Variants in CNTNAP2 observed in about 807,000 individuals in gnomAD.
CNTNAP2 encodes contactin-associated protein-like 2.
Under a neutral mutation model 155.2 loss-of-function variants are expected in CNTNAP2, and 98 were observed. The ratio of observed to expected loss-of-function variants is 0.63; its 90% CI spans 0.54 to 0.75. The LOEUF (loss-of-function observed/expected upper bound fraction) is 0.75, where lower values mean the gene tolerates loss of function less well. Ranked by LOEUF, CNTNAP2 falls within the 30% of genes least tolerant of loss-of-function variation. CNTNAP2 has a pLI of 0.00. For missense variants in CNTNAP2, 1,727 were observed against 1,688.1 expected, an observed-to-expected ratio of 1.02 and a Z score of -0.40; for synonymous variants, 651 against 631.2, an observed-to-expected ratio of 1.03 and a Z score of -0.47.
Position 148,373,104 on chromosome 7 carries a change from T to C in CNTNAP2, c.3476-10545T>C, listed in dbSNP as rs190544784. Among the ~76,000 whole-genome samples, 940 of 152,280 alleles carry C rather than the reference T, an allele frequency of 6.2e-3. 2 individuals are homozygous for C. Among genetic ancestry groups the C allele is most frequent in the Non-Finnish European group, 8.6e-3 (587 of 68,032 alleles). ...GTGATAACAATGCCTTCTTCTGGAA[T>C]AGCTCCTGAAGGACCTGCCTGAGGC... On this transcript the variant is annotated intron_variant, in intron 21 of 23. Transcript: ENST00000361727.
intron 8 of CNTNAP2, among the ~76,000 whole-genome samples, chr7:147,221,168 C>G (rs748222292): frequency 6.6e-6 from 1 of 152,022 alleles, no homozygotes; most frequent in African/African-American, 2.4e-5. Flanking sequence ...TTCCTCCCAT[C>G]CCTTGTATCA....
At chr7:146,313,873 C>T (rs1800866275) in intron 1 of CNTNAP2, among the ~76,000 whole-genome samples, 1 of 152,028 alleles carries the variant, frequency 6.6e-6, no homozygotes, top group Middle Eastern at 3.2e-3. Context: ...GTAGCACATA[C>T]CTGTAGTCCC....
chr7:147,305,508 T>A (rs1795011832), intron 9 of CNTNAP2, among the ~76,000 whole-genome samples: 1 of 152,170 alleles, frequency 6.6e-6, no homozygotes, highest in Admixed American at 6.5e-5. Flanking sequence ...CCATTCAGAA[T>A]CCACTTGTCA....
At chr7:147,544,762 C>T (rs1799701655) in intron 11 of CNTNAP2, among the ~76,000 whole-genome samples, 2 of 151,956 alleles carry the variant, frequency 1.3e-5, no homozygotes, top group Admixed American at 1.3e-4. Flanking sequence ...GGCAGTTCCC[C>T]CATACTGTTC....
chr7:147,543,620 T>G (rs1300484400), intron 11 of CNTNAP2, among the ~76,000 whole-genome samples: 1 of 152,180 alleles, frequency 6.6e-6, no homozygotes, highest in Non-Finnish European at 1.5e-5. Context: ...TTCAGAGTTT[T>G]TATGTTTTAT....
At chr7:148,263,997 G>A (rs1456864157) in intron 20 of CNTNAP2, among the ~76,000 whole-genome samples, 1 of 152,278 alleles carries the variant, frequency 6.6e-6, no homozygotes, top group East Asian at 1.9e-4. Flanking sequence ...CCTGAGGACG[G>A]ATTTCCCTTC....
intron 1 of CNTNAP2, among the ~76,000 whole-genome samples, chr7:146,548,937 G>A (rs1351166951): frequency 6.6e-6 from 1 of 151,350 alleles, no homozygotes; most frequent in Admixed American, 6.6e-5. Flanking sequence ...TTGCCAAGAC[G>A]AATGTCATAA....
intron 1 of CNTNAP2, among the ~76,000 whole-genome samples, chr7:146,720,956 A>ATATATACTGTATATATTCTATT (rs1801279933): frequency 7.8e-6 from 1 of 127,804 alleles, no homozygotes. Context: ...TATATTCTAT[A>ATATATACTGTATATATTCTATT]TATATACAGT....
At chr7:146,246,372 G>T (rs1799654776) in intron 1 of CNTNAP2, among the ~76,000 whole-genome samples, 1 of 150,866 alleles carries the variant, frequency 6.6e-6, no homozygotes, top group Non-Finnish European at 1.5e-5. Flanking sequence ...AAGGGAACTG[G>T]GCAGGTGGGG....
intron 1 of CNTNAP2, among the ~76,000 whole-genome samples, chr7:146,693,204 G>A (rs1022412187): frequency 2.0e-5 from 3 of 152,040 alleles, no homozygotes; most frequent in Non-Finnish European, 4.4e-5. Flanking sequence ...CTTCCATTAA[G>A]TTTAATAAAA....
chr7:146,596,595 CAGAGAGAG>C (rs368697909), intron 1 of CNTNAP2, among the ~76,000 whole-genome samples: 1,981 of 105,046 alleles, frequency 0.019, 22 homozygotes, highest in Middle Eastern at 0.053. Flanking sequence ...AGAAGGGAGA[CAGAGAGAG>C]AGAGAGAGAG....
intron 9 of CNTNAP2, among the ~76,000 whole-genome samples, chr7:147,331,403 T>G (rs2116842075): frequency 6.6e-6 from 1 of 152,208 alleles, no homozygotes; most frequent in East Asian, 1.9e-4. Context: ...ATTTCAACAT[T>G]CCTTATGTAA....
chr7:147,444,726 A>G (rs1797702895), intron 10 of CNTNAP2, among the ~76,000 whole-genome samples: 2 of 152,194 alleles, frequency 1.3e-5, no homozygotes, highest in African/African-American at 4.8e-5. Context: ...GCCAAAGAGG[A>G]ACCAGGGAGA....
intron 1 of CNTNAP2, among the ~76,000 whole-genome samples, chr7:146,705,848 A>G (rs1378035303): frequency 1.3e-5 from 2 of 152,130 alleles, no homozygotes; most frequent in Non-Finnish European, 2.9e-5. Context: ...ATTACAATTC[A>G]AGGTGATATT....
intron 12 of CNTNAP2, among the ~76,000 whole-genome samples, chr7:147,593,117 T>C (rs115558680): frequency 0.02 from 3,012 of 152,048 alleles, 97 homozygotes; most frequent in African/African-American, 0.069. Flanking sequence ...CCTTGCAGAA[T>C]AACTTTCACT....
chr7:146,653,877 G>T (rs941039905), intron 1 of CNTNAP2, among the ~76,000 whole-genome samples: 12 of 152,068 alleles, frequency 7.9e-5, no homozygotes, highest in African/African-American at 2.9e-4. Context: ...TATTTGCTAG[G>T]ATCACATAAC....
chr7:148,210,720 A>G (rs770425578), intron 18 of CNTNAP2, among the ~76,000 whole-genome samples: 7 of 152,252 alleles, frequency 4.6e-5, no homozygotes, highest in Non-Finnish European at 1.0e-4. Context: ...GAAATTGGTT[A>G]CAATAGATAT....
intron 4 of CNTNAP2, among the ~76,000 whole-genome samples, chr7:147,100,958 C>G (rs374432311): frequency 6.6e-6 from 1 of 152,028 alleles, no homozygotes; most frequent in Non-Finnish European, 1.5e-5. Flanking sequence ...GACAATAGAC[C>G]AAGGCTGTTT....
intron 13 of CNTNAP2, among the ~76,000 whole-genome samples, chr7:147,713,091 C>A (rs573291482): frequency 6.6e-6 from 1 of 152,150 alleles, no homozygotes; most frequent in Admixed American, 6.6e-5. Context: ...GTATTTTAAT[C>A]TCATCTCCTA....
Sources: allele counts gnomAD v4.1 joint callset (sites outside exome capture counted in the v4.1 genomes callset), GRCh38; gene constraint gnomAD v4.1.1; transcripts MANE v1.5; gene names NCBI Gene and HGNC (gene_info 2026-07-23, HGNC 2026-07-21).